The following ADD3 variants were observed in gnomAD, a reference collection of about 807,000 sequenced individuals.
ADD3 encodes adducin 3.
Under a neutral mutation model 80.2 loss-of-function variants are expected in ADD3, and 25 were observed. That is an observed-to-expected ratio of 0.31 (90% CI 0.23 to 0.44). The LOEUF is 0.44. ADD3 is among the 20% of genes least tolerant of loss of function. ADD3 has a pLI of 1.00. For synonymous variants in ADD3, 284 were observed against 289.6 expected (o/e 0.98, Z 0.20); for missense variants, 829 against 847.5 (o/e 0.98, Z 0.27).
intron 2 of ADD3, among the ~76,000 whole-genome samples, chr10:110,111,575 TACAG>T (rs932510778): frequency 5.9e-5 from 9 of 152,056 alleles, no homozygotes; most frequent in African/African-American, 2.2e-4. Flanking sequence ...CCCAAAAAGA[TACAG>T]AACTCCAGAA....
intron 10 of ADD3, among the ~76,000 whole-genome samples, chr10:110,125,239 G>A (rs1386298150): frequency 1.3e-5 from 2 of 152,030 alleles, no homozygotes; most frequent in African/African-American, 2.4e-5. Context: ...ATCGAGATTC[G>A]CTTTCTTTAA....
At chr10:110,102,203 AC>A (rs1772694041) in intron 2 of ADD3, among the ~76,000 whole-genome samples, 1 of 152,212 alleles carries the variant, frequency 6.6e-6, no homozygotes, top group South Asian at 2.1e-4. Context: ...TCAGTGCCTT[AC>A]TTTATGCAAA....
chr10:110,047,851 G>C (rs1212404471), intron 1 of ADD3, among the ~76,000 whole-genome samples: 2 of 152,198 alleles, frequency 1.3e-5, no homozygotes, highest in Non-Finnish European at 2.9e-5. Flanking sequence ...GGTAAAATGA[G>C]TATGTTTAAA....
chr10:110,118,426 T>G (rs899396642), intron 5 of ADD3, among the ~76,000 whole-genome samples, 161 bp from the exon 6 acceptor site: 3 of 152,242 alleles, frequency 2.0e-5, no homozygotes, highest in Non-Finnish European at 4.4e-5. Flanking sequence ...GCTTTTGTAC[T>G]GCAGCTGCAG....
intron 9 of ADD3, among the ~76,000 whole-genome samples, chr10:110,123,188 A>G (rs917816859): frequency 2.0e-5 from 3 of 152,220 alleles, no homozygotes; most frequent in Non-Finnish European, 4.4e-5. Flanking sequence ...GAGAGTACAG[A>G]TACCTCTTTG....
intron 1 of ADD3, among the ~76,000 whole-genome samples, chr10:110,064,605 T>C (rs2133559371): frequency 6.6e-6 from 1 of 152,328 alleles, no homozygotes; most frequent in Admixed American, 6.5e-5. Context: ...ATTATTGATA[T>C]CAGTGGTCTA....
At chr10:110,081,729 T>A (rs1846081525) in intron 1 of ADD3, among the ~76,000 whole-genome samples, 1 of 152,214 alleles carries the variant, frequency 6.6e-6, no homozygotes, top group South Asian at 2.1e-4. Context: ...TTTTTAACAA[T>A]TGCTTATATG....
rs529121884 is a variant in ADD3 at position 110,117,389 on chromosome 10, C to G, written c.534C>G (p.Gly178=). ...EQDHIIIIPR[G]LSFSEATASN... ...ACCACATTATAATAATTCCCAGAGG[C>G]CTATCTTTTTCTGAAGCTACAGCCT... is the stretch of plus-strand genomic sequence containing the variant. The change falls in exon 5 of 15, where the codon GGC becomes GGG. Residue 178 remains glycine (G), a synonymous_variant. Transcript: ENST00000356080. The G allele has an allele frequency of 6.2e-7, 1 of 1,607,770 alleles. No homozygotes were observed. The highest frequency in any genetic ancestry group is 1.1e-5 in the South Asian group (1 of 90,868).
intron 1 of ADD3, among the ~76,000 whole-genome samples, chr10:110,090,119 C>T (rs1272269667): frequency 2.0e-5 from 3 of 149,084 alleles, no homozygotes; most frequent in Non-Finnish European, 4.4e-5. Flanking sequence ...GTTAGTGACA[C>T]AGAGGTTAGA....
At chr10:110,124,512 G>C (rs1851897805) in intron 10 of ADD3, among the ~76,000 whole-genome samples, 2 of 152,088 alleles carry the variant, frequency 1.3e-5, no homozygotes, top group East Asian at 1.9e-4. Context: ...GAAAACCAAG[G>C]CAAGAAGGGT....
Position 110,124,179 on chromosome 10 carries a change from A to G in ADD3, c.1306A>G (p.Lys436Glu). Residue 436 changes from lysine (K) to glutamate (E), a missense_variant, in exon 10 of 15, where the codon AAA becomes GAA. Transcript: ENST00000356080. ...CATGGCACAGAGGCAACAGCGTGAA[A>G]AAACAAGATGGCTGAACTCACCAAA... ...KYMAQRQQRE[K>E]TRWLNSPNTY... The G allele has an allele frequency of 6.2e-7, 1 of 1,614,226 alleles. No individual in the cohort carries two copies. The highest frequency in any genetic ancestry group is 8.5e-7 in the Non-Finnish European group (1 of 1,180,032).
In ADD3 at chr10:110,117,494, C is replaced by T. The variant is rs1653517335; in HGVS notation, c.567+72C>T. ...TTTTCTGACAGTTCTTAGCTTTTAG[C>T]ACAGGACAGAATAAGAAGGTATGGA... On this transcript the variant is annotated intron_variant, in intron 5 of 14. Transcript: ENST00000356080. The T allele has an allele frequency of 6.7e-6, 6 of 897,242 alleles. No homozygotes were observed. The Middle Eastern group carries it at 1.1e-3, about 162-fold the overall frequency. 55.6% of individuals were successfully genotyped at this position (897,242 alleles called of 1,614,324 possible).
Position 110,122,210 on chromosome 10 carries a change from G to A in ADD3, c.1061G>A (p.Gly354Glu). Residue 354 changes from glycine (G) to glutamate (E), a missense_variant, in exon 9 of 15, where the codon GGA becomes GAA. By Grantham distance (98) the Gly-to-Glu change is moderately conservative. Transcript: ENST00000356080. Reference sequence around the variant, plus strand: ...TACACTGTAGCAGCGTCTGGTGGAGGAGGTGTGAATATGGGTTCCCATCAA... The same window carrying A: ...TACACTGTAGCAGCGTCTGGTGGAGAAGGTGTGAATATGGGTTCCCATCAA... Reference protein sequence around the residue: ...FTYTVAASGGGGVNMGSHQKW... With the variant: ...FTYTVAASGGEGVNMGSHQKW... 1 of 1,614,180 alleles carries A rather than the reference G, an allele frequency of 6.2e-7. No individual in the cohort carries two copies. The highest frequency in any genetic ancestry group is 2.2e-5 in the East Asian group (1 of 44,884).
intron 1 of ADD3, among the ~76,000 whole-genome samples, chr10:110,092,076 T>A (rs1847584883): frequency 6.6e-6 from 1 of 152,150 alleles, no homozygotes; most frequent in African/African-American, 2.4e-5. Flanking sequence ...TATTAAAATG[T>A]CAGAAAATAA....
upstream of ADD3, among the ~76,000 whole-genome samples, chr10:110,007,640 A>G (rs1851760261): frequency 6.6e-6 from 1 of 152,156 alleles, no homozygotes; most frequent in African/African-American, 2.4e-5. Flanking sequence ...GGCGCCAGGC[A>G]GCCGCCCCGA....
chr10:110,126,567 A>C, intron 12 of ADD3, 64 bp downstream of exon 12: 1 of 1,158,540 alleles, frequency 8.6e-7, no homozygotes, highest in Non-Finnish European at 1.3e-6. Context: ...TTGATTTTTA[A>C]ATATGAATAT....
At chr10:110,004,263 G>A (rs939829366), upstream of ADD3, among the ~76,000 whole-genome samples, 9 of 151,616 alleles carry the variant, frequency 5.9e-5, no homozygotes, top group South Asian at 2.1e-4. Flanking sequence ...GGCCGGGTGC[G>A]GTGGCTCACG....
chr10:109,999,362 C>T (rs1851439692), intron 1 of ADD3, among the ~76,000 whole-genome samples: 1 of 152,172 alleles, frequency 6.6e-6, no homozygotes, highest in Non-Finnish European at 1.5e-5. Flanking sequence ...CATGCATACG[C>T]TTCCTCCTGC....
intron 14 of ADD3, among the ~76,000 whole-genome samples, chr10:110,133,006 G>C (rs138925419): frequency 7.0e-4 from 105 of 150,786 alleles, no homozygotes; most frequent in Non-Finnish European, 1.3e-3. Context: ...AGTATTGATT[G>C]CCAAATGATC....
Sources: gnomAD v4.1 joint callset for allele counts (sites outside exome capture counted in the v4.1 genomes callset) on GRCh38, gnomAD v4.1.1 for gene constraint, MANE v1.5 for transcripts, NCBI Gene and HGNC (gene_info 2026-07-23, HGNC 2026-07-21) for gene names.